SNX8: variants seen among roughly 807,000 people sequenced by gnomAD.
The protein encoded by SNX8 is sorting nexin 8.
SNX8 carries 25 observed loss-of-function variants against 51.6 expected under a neutral mutation model. The observed-to-expected ratio is 0.48, with a 90% CI of 0.35 to 0.68. SNX8 has a LOEUF of 0.68. Ranked by LOEUF, SNX8 falls within the 30% of genes least tolerant of loss-of-function variation. SNX8 has a pLI of 0.00. For missense variants in SNX8, 695 were observed against 624.0 expected (o/e 1.11, Z -1.21); for synonymous variants, 324 against 277.0 (o/e 1.17, Z -1.68).
At chr7:2,337,016 A>G (rs933103973) in intron 1 of SNX8, 1 of 151,656 alleles carries the variant, frequency 6.6e-6, no homozygotes, top group Non-Finnish European at 1.5e-5. Flanking sequence ...CTCAAAAAAA[A>G]AAAAGAAAGA....
At chr7:2,303,413 G>A (rs1796460181) in intron 1 of SNX8, among the ~76,000 whole-genome samples, 1 of 152,132 alleles carries the variant, frequency 6.6e-6, no homozygotes, top group Non-Finnish European at 1.5e-5. Context: ...ACTGGGAAGT[G>A]AGGAGCCCCT....
chr7:2,260,220 C>T (rs912381866), intron 7 of SNX8, among the ~76,000 whole-genome samples: 45 of 152,142 alleles, frequency 3.0e-4, no homozygotes, highest in Non-Finnish European at 1.5e-4. Flanking sequence ...GCCTCAGCCT[C>T]CCGAGTAGCT....
intron 6 of SNX8, among the ~76,000 whole-genome samples, chr7:2,263,594 G>T (rs2042088586): frequency 6.6e-6 from 1 of 152,216 alleles, no homozygotes; most frequent in South Asian, 2.1e-4. Flanking sequence ...CAGCCCCCAG[G>T]TGACATGTGT....
At chr7:2,346,823 G>A (rs562601301) in intron 1 of SNX8, among the ~76,000 whole-genome samples, 34 of 147,864 alleles carry the variant, frequency 2.3e-4, no homozygotes, top group African/African-American at 7.7e-4. Flanking sequence ...AGGAGGCTGA[G>A]TTCAGAGGAT....
chr7:2,345,503 A>C (rs1347490670), intron 1 of SNX8, among the ~76,000 whole-genome samples: 1 of 151,540 alleles, frequency 6.6e-6, no homozygotes. Context: ...TGTGGAAAAA[A>C]CCCCATCTCT....
chr7:2,299,183 G>A (rs1263956624), intron 1 of SNX8, among the ~76,000 whole-genome samples: 6 of 151,824 alleles, frequency 4.0e-5, no homozygotes, highest in East Asian at 1.9e-4. Flanking sequence ...AACAGAGCAC[G>A]GGCCATCCAT....
chr7:2,273,772 C>T lies in SNX8; in HGVS notation c.418+1340G>A, dbSNP rs1239983682. On this transcript the variant is annotated intron_variant, in intron 3 of 10. Coordinates refer to ENST00000222990, the MANE Select transcript of SNX8 (RefSeq NM_013321.4). ...CAAAAAAATTAGCCAGGCGTGGTGGCGGGCGCCTGTAGTCCCAGCTACGCG... is the reference window on the plus strand; with the variant it reads ...CAAAAAAATTAGCCAGGCGTGGTGGTGGGCGCCTGTAGTCCCAGCTACGCG... Among the ~76,000 whole-genome samples, 7 of 150,982 alleles carry T rather than the reference C, an allele frequency of 4.6e-5. No individual in the cohort carries two copies. The South Asian group carries it at 6.3e-4, about 14-fold the overall frequency.
chr7:2,264,372 G>A lies in SNX8; in HGVS notation c.708C>T (p.Arg236=), dbSNP rs778518638. Reference sequence around the variant, plus strand: ...GCGATGCGATCCGCTCGGCCCTGTCGCGAAGCTTGTGAAAGCTATTGTAGA... The same window carrying A: ...GCGATGCGATCCGCTCGGCCCTGTCACGAAGCTTGTGAAAGCTATTGTAGA... ...RNIYNSFHKL[R]DRAERIASRA... Residue 236 remains arginine (R), a synonymous_variant, in exon 6 of 11, where the codon CGC becomes CGT. Transcript: ENST00000222990. 36 of 1,612,808 alleles carry A rather than the reference G, an allele frequency of 2.2e-5. No individual in the cohort carries two copies. The Middle Eastern group carries it at 4.9e-4, about 22-fold the overall frequency.
chr7:2,327,756 A>C (rs542309195), intron 1 of SNX8, among the ~76,000 whole-genome samples: 5 of 151,674 alleles, frequency 3.3e-5, no homozygotes, highest in South Asian at 2.1e-4. Flanking sequence ...GTTAGCCAGG[A>C]TGGTCTCTAT....
In SNX8 at chr7:2,255,052, G is replaced by A. The variant is rs1207852797; in HGVS notation, c.*4C>T. 17 of 1,549,216 alleles carry A rather than the reference G, an allele frequency of 1.1e-5. No homozygotes were observed. Among genetic ancestry groups the A allele is most frequent in the Non-Finnish European group, 1.4e-5 (16 of 1,142,382 alleles). On this transcript the variant is annotated 3_prime_UTR_variant, in exon 11 of 11. Coordinates refer to ENST00000222990, the MANE Select transcript of SNX8 (RefSeq NM_013321.4). ...CGCAGGGAGCACCACCTCAGCCTCA[G>A]GCGCTAGTGAGGACACAGGCCGTCC...
At chr7:2,259,529 C>T (rs1167644253) in intron 7 of SNX8, among the ~76,000 whole-genome samples, 2 of 152,158 alleles carry the variant, frequency 1.3e-5, no homozygotes, top group Non-Finnish European at 2.9e-5. Flanking sequence ...GCCAGGGGTG[C>T]CGCCCAGGCC....
intron 5 of SNX8, among the ~76,000 whole-genome samples, chr7:2,264,977 G>C (rs1026859726): frequency 6.6e-6 from 1 of 152,214 alleles, no homozygotes; most frequent in African/African-American, 2.4e-5. Context: ...AGAGGTTGCA[G>C]TGAGCTGAGA....
intron 1 of SNX8, among the ~76,000 whole-genome samples, chr7:2,343,651 G>A (rs375099414): frequency 9.9e-5 from 15 of 152,070 alleles, no homozygotes; most frequent in African/African-American, 3.6e-4. Context: ...CTCCAGCCTA[G>A]GCGACAGAGT....
At chr7:2,275,082 G>A (rs199891358) in intron 3 of SNX8, 30 bp downstream of exon 3, 457 of 1,481,024 alleles carry the variant, frequency 3.1e-4, no homozygotes, top group Non-Finnish European at 4.1e-4. Flanking sequence ...CGCTCCCTCC[G>A]CCCCCGGTGG....
At chr7:2,308,775 A>G (rs1796602501) in intron 1 of SNX8, among the ~76,000 whole-genome samples, 1 of 151,168 alleles carries the variant, frequency 6.6e-6, no homozygotes, top group Admixed American at 6.6e-5. Flanking sequence ...CCATAAAATG[A>G]ACAAATTTTT....
chr7:2,275,016 CG>C (rs1338902983), intron 3 of SNX8, 95 bp downstream of exon 3: 5 of 844,122 alleles, frequency 5.9e-6, no homozygotes, highest in African/African-American at 1.7e-5. Context: ...GCACCTGCCC[CG>C]GTCTACAGTG....
chr7:2,265,837 C>A (rs1356495979), intron 5 of SNX8, among the ~76,000 whole-genome samples: 1 of 152,042 alleles, frequency 6.6e-6, no homozygotes, highest in Non-Finnish European at 1.5e-5. Context: ...TTTGGCCAGG[C>A]ATGGTGGCTC....
intron 4 of SNX8, 71 bp downstream of exon 4, chr7:2,271,779 A>T (rs1795649102): frequency 2.0e-6 from 3 of 1,527,696 alleles, no homozygotes; most frequent in Non-Finnish European, 2.7e-6. Context: ...CACACCTGAG[A>T]GAGGAAAAGG....
chr7:2,255,182 C>G lies in SNX8; in HGVS notation c.1285-13G>C. On this transcript the variant is annotated splice_polypyrimidine_tract_variant and intron_variant, in intron 10 of 10. Coordinates refer to ENST00000222990, the MANE Select transcript of SNX8 (RefSeq NM_013321.4). ...ACACCTTGCTCATCTGAAAGGGAAGCGAAGAGAACAAGATCAGCAGGCGGG... is the reference window on the plus strand; with the variant it reads ...ACACCTTGCTCATCTGAAAGGGAAGGGAAGAGAACAAGATCAGCAGGCGGG... The G allele has an allele frequency of 6.7e-7, 1 of 1,502,794 alleles. No individual in the cohort carries two copies. 93.1% of individuals were successfully genotyped at this position (1,502,794 alleles called of 1,614,324 possible). A position where few individuals can be genotyped will look rare whatever the true frequency, so the allele number is the denominator to read the frequency against.
Sources: allele counts gnomAD v4.1 joint callset (sites outside exome capture counted in the v4.1 genomes callset), GRCh38; gene constraint gnomAD v4.1.1; transcripts MANE v1.5; gene names NCBI Gene and HGNC (gene_info 2026-07-23, HGNC 2026-07-21).